ARHGAP26: variants seen among roughly 807,000 people sequenced by gnomAD.
The protein encoded by ARHGAP26 is Rho GTPase activating protein 26.
Under a neutral mutation model 104.8 loss-of-function variants are expected in ARHGAP26, and 38 were observed. That is an observed-to-expected ratio of 0.36 (90% CI 0.28 to 0.48). The LOEUF is 0.48. Ranked by LOEUF, ARHGAP26 falls within the 20% of genes least tolerant of loss-of-function variation. ARHGAP26 has a pLI of 0.99. For synonymous variants in ARHGAP26, 341 were observed against 340.0 expected, an observed-to-expected ratio of 1.00 and a Z score of -0.03; for missense variants, 704 against 947.9, an observed-to-expected ratio of 0.74 and a Z score of 3.38.
At chr5:143,068,202 T>G (rs1787782170) in intron 17 of ARHGAP26, among the ~76,000 whole-genome samples, 1 of 152,132 alleles carries the variant, frequency 6.6e-6, no homozygotes, top group African/African-American at 2.4e-5. Flanking sequence ...TAAAATTTAT[T>G]GAAAGGCTCC....
At chr5:143,189,196 T>G (rs1805558217) in intron 20 of ARHGAP26, among the ~76,000 whole-genome samples, 3 of 152,218 alleles carry the variant, frequency 2.0e-5, no homozygotes, top group Admixed American at 2.0e-4. Context: ...CCCTTTCCAT[T>G]AAGTTCACAT....
intron 14 of ARHGAP26, among the ~76,000 whole-genome samples, chr5:143,051,172 A>G (rs554964176): frequency 1.3e-4 from 20 of 152,344 alleles, no homozygotes; most frequent in African/African-American, 3.6e-4. Flanking sequence ...TCAAGAGTAC[A>G]TAGGTAACTT....
chr5:142,771,346 C>A lies in ARHGAP26; in HGVS notation c.154+431C>A. 3 of 1,232,076 alleles carry A rather than the reference C, an allele frequency of 2.4e-6. No homozygotes were observed. In the South Asian group the frequency reaches 1.2e-4, roughly 50 times the overall value. The allele number at this position is 1,232,076 out of a possible 1,614,324, so 76.3% of individuals were successfully genotyped here. A position where few individuals can be genotyped will look rare whatever the true frequency, so the allele number is the denominator to read the frequency against. ...ACCGTGAGAATGGAGCGTGCCCTGC[C>A]GAGGGGGCGCTGCCTCCCCTTGGGA... On this transcript the variant is annotated intron_variant, in intron 1 of 22. Coordinates refer to ENST00000645722, the MANE Select transcript of ARHGAP26 (RefSeq NM_001135608.3).
At chr5:142,906,983 T>G (rs995803482) in intron 8 of ARHGAP26, among the ~76,000 whole-genome samples, 1 of 152,238 alleles carries the variant, frequency 6.6e-6, no homozygotes, top group African/African-American at 2.4e-5. Context: ...TTAATAGTGC[T>G]TTGTTTTCAA....
Position 143,202,140 on chromosome 5 carries a change from G to A in ARHGAP26, c.1989-5058G>A, listed in dbSNP as rs374678611. 5 of 152,224 alleles carry A rather than the reference G, an allele frequency of 3.3e-5. No homozygotes were observed. The East Asian group carries it at 9.6e-4, about 29-fold the overall frequency. 9.4% of individuals were successfully genotyped at this position (152,224 alleles called of 1,614,324 possible). ...ATATTTAGGATAGTTAGCTCTTCCTGTTGCATTAAGTTAGCTCTTCTTTTT... is the reference window on the plus strand; with the variant it reads ...ATATTTAGGATAGTTAGCTCTTCCTATTGCATTAAGTTAGCTCTTCTTTTT... On this transcript the variant is annotated intron_variant, in intron 20 of 22. Transcript: ENST00000645722.
At chr5:143,191,353 G>A (rs1227671006) in intron 20 of ARHGAP26, among the ~76,000 whole-genome samples, 1 of 152,136 alleles carries the variant, frequency 6.6e-6, no homozygotes. Flanking sequence ...GGACAAATAT[G>A]CTTTTCATTC....
chr5:143,033,939 C>T (rs1598732255), intron 12 of ARHGAP26, among the ~76,000 whole-genome samples: 1 of 152,190 alleles, frequency 6.6e-6, no homozygotes, highest in East Asian at 1.9e-4. Flanking sequence ...CAAATGCTTT[C>T]CAGTAGGCTC....
intron 1 of ARHGAP26, among the ~76,000 whole-genome samples, chr5:142,852,989 C>A (rs1021000517): frequency 1.4e-4 from 21 of 152,126 alleles, no homozygotes; most frequent in African/African-American, 4.8e-4. Context: ...TGACCTCCCT[C>A]ATTTCTCAAG....
intron 17 of ARHGAP26, among the ~76,000 whole-genome samples, chr5:143,088,775 C>T (rs187492317): frequency 6.6e-5 from 10 of 152,300 alleles, no homozygotes; most frequent in East Asian, 1.9e-4. Flanking sequence ...TGATCCCTGC[C>T]GCTGTGTCGT....
chr5:143,075,826 G>A (rs1156285853), intron 17 of ARHGAP26, among the ~76,000 whole-genome samples: 4 of 151,378 alleles, frequency 2.6e-5, no homozygotes, highest in Non-Finnish European at 4.4e-5. Flanking sequence ...AGCCTTCCAA[G>A]TAGCTGGGAC....
chr5:143,001,493 A>G (rs1459232232), intron 11 of ARHGAP26, among the ~76,000 whole-genome samples: 2 of 152,270 alleles, frequency 1.3e-5, no homozygotes, highest in African/African-American at 4.8e-5. Flanking sequence ...ATAGCAAAAT[A>G]TGAACAACTG....
intron 1 of ARHGAP26, among the ~76,000 whole-genome samples, chr5:142,809,247 A>G (rs1428776945): frequency 1.3e-5 from 2 of 152,196 alleles, no homozygotes; most frequent in Non-Finnish European, 2.9e-5. Context: ...TAATCTGTTC[A>G]TTGTAGAATG....
At chr5:143,155,001 G>A (rs1800303704) in intron 20 of ARHGAP26, among the ~76,000 whole-genome samples, 1 of 152,048 alleles carries the variant, frequency 6.6e-6, no homozygotes, top group South Asian at 2.1e-4. Context: ...TTTCCTCTGT[G>A]GCTGGATCAA....
intron 4 of ARHGAP26, among the ~76,000 whole-genome samples, chr5:142,882,141 A>G (rs190638254): frequency 6.6e-6 from 1 of 152,366 alleles, no homozygotes. Context: ...GAGTGGGTCT[A>G]CAGCTAGACT....
chr5:142,967,881 T>C (rs1771649663), intron 11 of ARHGAP26, among the ~76,000 whole-genome samples: 1 of 152,166 alleles, frequency 6.6e-6, no homozygotes. Flanking sequence ...AAATCAGTGA[T>C]GAGCAAGAGT....
At position 142,813,086 on chromosome 5, in the gene ARHGAP26, G is replaced by A. The variant is rs566841941; in HGVS notation, c.154+42171G>A. The stretch of plus-strand genomic sequence containing the variant: ...CTGAGTAGCTGGGACTGTAGGTGCC[G>A]GCTACCATGCCCGGCTAACTTTTTT... On this transcript the variant is annotated intron_variant, in intron 1 of 22. Coordinates refer to ENST00000645722, the MANE Select transcript of ARHGAP26 (RefSeq NM_001135608.3). Among the ~76,000 whole-genome samples, 34 of 151,730 alleles carry A rather than the reference G, an allele frequency of 2.2e-4. No individual in the cohort carries two copies. In the East Asian group the frequency reaches 4.5e-3, roughly 20 times the overall value.
chr5:142,823,227 C>T (rs1766548313), intron 1 of ARHGAP26, among the ~76,000 whole-genome samples: 1 of 152,108 alleles, frequency 6.6e-6, no homozygotes, highest in East Asian at 1.9e-4. Context: ...AACACATGAG[C>T]ATTTAATTCT....
intron 14 of ARHGAP26, among the ~76,000 whole-genome samples, chr5:143,042,959 G>T (rs1783695616): frequency 6.6e-6 from 1 of 152,078 alleles, no homozygotes; most frequent in Non-Finnish European, 1.5e-5. Flanking sequence ...TTGAAATATG[G>T]TTAGTTTTTG....
At chr5:143,204,484 A>G (rs1304114778) in intron 20 of ARHGAP26, among the ~76,000 whole-genome samples, 1 of 152,220 alleles carries the variant, frequency 6.6e-6, no homozygotes, top group Non-Finnish European at 1.5e-5. Flanking sequence ...AGATTGTGCC[A>G]TTGCACTCCA....
Sources: gnomAD v4.1 joint callset for allele counts (sites outside exome capture counted in the v4.1 genomes callset) on GRCh38, gnomAD v4.1.1 for gene constraint, MANE v1.5 for transcripts, NCBI Gene and HGNC (gene_info 2026-07-23, HGNC 2026-07-21) for gene names.